RNF157: variants seen among roughly 807,000 people sequenced by gnomAD.
RNF157 encodes the protein E3 ubiquitin ligase RNF157.
RNF157 carries 55 observed loss-of-function variants against 88.3 expected under a neutral mutation model. That is an observed-to-expected ratio of 0.62 (90% confidence interval 0.50 to 0.78). The LOEUF is 0.78. RNF157 is among the 30% of genes least tolerant of loss of function. RNF157 has a pLI of 0.00. For missense variants in RNF157, 788 were observed against 860.8 expected (o/e 0.92, Z 1.06); for synonymous variants, 334 against 341.2 (o/e 0.98, Z 0.23).
intron 2 of RNF157, among the ~76,000 whole-genome samples, chr17:76,192,072 C>T (rs1427880095): frequency 6.6e-6 from 1 of 152,156 alleles, no homozygotes; most frequent in African/African-American, 2.4e-5. Flanking sequence ...TATAGTTTCC[C>T]GTCAGATGGG....
At chr17:76,151,235 T>C (rs1490625042) in intron 18 of RNF157, among the ~76,000 whole-genome samples, 2 of 152,230 alleles carry the variant, frequency 1.3e-5, no homozygotes, top group Non-Finnish European at 2.9e-5. Context: ...GCCTGGGCAG[T>C]GTCTTTAGAA....
chr17:76,231,451 C>T (rs1374679287), intron 1 of RNF157, among the ~76,000 whole-genome samples: 1 of 152,138 alleles, frequency 6.6e-6, no homozygotes, highest in Non-Finnish European at 1.5e-5. Context: ...GGCCCACCAC[C>T]ATGCCTGGCT....
At chr17:76,237,330 A>G (rs924549562) in intron 1 of RNF157, among the ~76,000 whole-genome samples, 1 of 152,246 alleles carries the variant, frequency 6.6e-6, no homozygotes, top group Non-Finnish European at 1.5e-5. Flanking sequence ...CAACTGTTCC[A>G]CCGGCAGTGC....
At chr17:76,158,332 G>A in intron 13 of RNF157, 61 bp downstream of exon 13, 5 of 1,070,402 alleles carry the variant, frequency 4.7e-6, no homozygotes, top group Non-Finnish European at 7.2e-6. Flanking sequence ...GATGAGGCAT[G>A]CAGGTAGGAG....
chr17:76,147,426 A>T, intron 18 of RNF157: 1 of 785,810 alleles, frequency 1.3e-6, no homozygotes, highest in Non-Finnish European at 1.5e-6. Flanking sequence ...CCAGCAAGCC[A>T]TGGAATGCTG....
At chr17:76,171,543 A>C (rs1277391504) in intron 3 of RNF157, among the ~76,000 whole-genome samples, 1 of 152,176 alleles carries the variant, frequency 6.6e-6, no homozygotes, top group Non-Finnish European at 1.5e-5. Context: ...TTTCAGAGGA[A>C]GCAAAAGTAG....
intron 1 of RNF157, among the ~76,000 whole-genome samples, chr17:76,216,899 A>C (rs548267006): frequency 5.9e-5 from 9 of 151,958 alleles, no homozygotes; most frequent in African/African-American, 1.9e-4. Flanking sequence ...TCAAAAAAAA[A>C]CAAAAACAAA....
At chr17:76,164,935 C>T in intron 7 of RNF157, 140 bp from the exon 8 acceptor site, 1 of 591,164 alleles carries the variant, frequency 1.7e-6, no homozygotes. Context: ...CCGCCATCAA[C>T]CACTGTCTGA....
intron 1 of RNF157, among the ~76,000 whole-genome samples, chr17:76,219,669 C>A (rs893349643): frequency 6.6e-6 from 1 of 151,924 alleles, no homozygotes; most frequent in Non-Finnish European, 1.5e-5. Context: ...CCCTAAAAAT[C>A]AAAAGTAAAG....
intron 1 of RNF157, among the ~76,000 whole-genome samples, chr17:76,235,749 C>T (rs1001438139): frequency 3.9e-5 from 6 of 152,168 alleles, no homozygotes; most frequent in Non-Finnish European, 7.3e-5. Flanking sequence ...TAGATCACTT[C>T]TGTAATCCCA....
intron 2 of RNF157, among the ~76,000 whole-genome samples, chr17:76,189,584 T>A (rs1284863906): frequency 2.0e-5 from 3 of 152,140 alleles, no homozygotes; most frequent in African/African-American, 7.2e-5. Context: ...GGTATTTTAA[T>A]AGGCAGAATT....
intron 1 of RNF157, among the ~76,000 whole-genome samples, chr17:76,234,503 C>T (rs1296706109): frequency 6.6e-6 from 1 of 152,084 alleles, no homozygotes; most frequent in African/African-American, 2.4e-5. Flanking sequence ...ATGAGGGTTT[C>T]GCTCTCTCCA....
At chr17:76,156,076 C>T in intron 14 of RNF157, 134 bp downstream of exon 14, 1 of 693,018 alleles carries the variant, frequency 1.4e-6, no homozygotes, top group South Asian at 1.9e-5. Context: ...TCTTCCCTCT[C>T]AAGCCAGGGC....
Position 76,145,312 on chromosome 17 carries a change from G to A in RNF157, c.1963C>T (p.Gln655Ter), listed in dbSNP as rs773468219. 1.2e-6 allele frequency: 2 copies of A among 1,612,814 alleles called. No individual in the cohort carries two copies. The highest frequency in any genetic ancestry group is 1.1e-5 in the South Asian group (1 of 90,796). The change falls in exon 19 of 19, where the codon CAG (glutamine) becomes TAG (stop). Residue 655 changes from glutamine to a stop codon, truncating the protein, a stop_gained. Transcript: ENST00000269391. LOFTEE classifies it high-confidence loss of function. Reference protein sequence around the residue: ...ADDNAVSRNAQRRRLSSSSLE... With the variant: ...ADDNAVSRNA Reference sequence around the variant, plus strand: ...CTGCTGGATGACAAGCGCCGGCGCTGGGCATTCCGACTGACGGCATTGTCA... The same window carrying A: ...CTGCTGGATGACAAGCGCCGGCGCTAGGCATTCCGACTGACGGCATTGTCA...
At position 76,166,893 on chromosome 17, in the gene RNF157, A is replaced by T. The variant is rs954403846; in HGVS notation, c.561+116T>A. On this transcript the variant is annotated intron_variant, in intron 5 of 18. Transcript: ENST00000269391. ...AGGACATGATGAAGTCACAAGGCTG[A>T]AAGGTAAGCATGGCCTTCAAGCATC... The T allele has an allele frequency of 1.5e-5, 10 of 687,812 alleles. No individual in the cohort carries two copies. In the African/African-American group the frequency reaches 1.8e-4, roughly 12 times the overall value. The allele number at this position is 687,812 out of a possible 1,614,324, so 42.6% of individuals were successfully genotyped here. A position where few individuals can be genotyped will look rare whatever the true frequency, so the allele number is the denominator to read the frequency against.
At chr17:76,230,632 G>C (rs1365408210) in intron 1 of RNF157, among the ~76,000 whole-genome samples, 4 of 152,042 alleles carry the variant, frequency 2.6e-5, no homozygotes, top group Admixed American at 2.6e-4. Flanking sequence ...GAGGTCAGGA[G>C]TTTGAGACCA....
intron 2 of RNF157, among the ~76,000 whole-genome samples, chr17:76,182,158 C>A (rs1314172696): frequency 2.6e-5 from 4 of 152,074 alleles, no homozygotes; most frequent in African/African-American, 7.2e-5. Context: ...AAGCCTGAAT[C>A]TGAGAATAAC....
rs902507905 is a variant in RNF157, at chr17:76,146,031, G to A, written c.1922-678C>T. ...ACAGATACCATCACTAAACGCATCC[G>A]CTCCCCAAATCTGCTGCTGCCCCCA... is the stretch of plus-strand genomic sequence containing the variant. On this transcript the variant is annotated intron_variant, in intron 18 of 18. Transcript: ENST00000269391. This position sits in a 1 kb window ranked among gnomAD's most constrained non-coding sequence, Gnocchi z 4.2. 2.0e-5 allele frequency among the ~76,000 whole-genome samples: 3 copies of A among 152,154 alleles called. No individual in the cohort carries two copies. The East Asian group carries it at 5.8e-4, about 29-fold the overall frequency.
At chr17:76,205,829 G>A (rs754286116) in intron 2 of RNF157, among the ~76,000 whole-genome samples, 4 of 152,114 alleles carry the variant, frequency 2.6e-5, no homozygotes, top group Non-Finnish European at 5.9e-5. Context: ...GTGTCAATGC[G>A]GCCCAGCTAC....
Sources: allele counts gnomAD v4.1 joint callset (sites outside exome capture counted in the v4.1 genomes callset), GRCh38; gene constraint gnomAD v4.1.1; non-coding constraint Gnocchi (gnomAD v3.1); transcripts MANE v1.5; gene names NCBI Gene and HGNC (gene_info 2026-07-23, HGNC 2026-07-21).